Variants in MYO3A observed in about 807,000 individuals in gnomAD.
MYO3A encodes the protein myosin IIIA, also known as myosin-IIIa.
In MYO3A, 180 loss-of-function variants were observed where a neutral mutation model predicts 192.7. The ratio of observed to expected loss-of-function variants is 0.93; its 90% confidence interval spans 0.83 to 1.06. The LOEUF is 1.06. Ranked by LOEUF, MYO3A falls within the 50% of genes least tolerant of loss-of-function variation. The probability of loss-of-function intolerance (pLI) is 0.00; values close to 1 mark genes in which losing one functional copy is unlikely to be tolerated. For missense variants in MYO3A, 1,896 were observed against 1,905.0 expected, an observed-to-expected ratio of 1.00 and a Z score of 0.09; for synonymous variants, 628 against 645.3, an observed-to-expected ratio of 0.97 and a Z score of 0.41.
intron 26 of MYO3A, among the ~76,000 whole-genome samples, chr10:26,163,400 G>T (rs1261382112): frequency 2.6e-5 from 4 of 152,182 alleles, no homozygotes; most frequent in Non-Finnish European, 2.9e-5. Context: ...GTGGACGGTG[G>T]CTGGGGCAGG....
chr10:25,982,567 C>T (rs1261731936), intron 4 of MYO3A, among the ~76,000 whole-genome samples: 2 of 152,226 alleles, frequency 1.3e-5, no homozygotes, highest in Non-Finnish European at 1.5e-5. Context: ...GCTACCTCCA[C>T]CAGTGCAGGT....
At chr10:26,050,283 G>GA (rs1323895639) in intron 10 of MYO3A, among the ~76,000 whole-genome samples, 2 of 152,152 alleles carry the variant, frequency 1.3e-5, no homozygotes, top group African/African-American at 2.4e-5. Flanking sequence ...TTTATACTTG[G>GA]AAAAAATCAA....
intron 5 of MYO3A, 26 bp downstream of exon 5, chr10:25,996,620 A>G: frequency 6.4e-7 from 1 of 1,562,338 alleles, no homozygotes. Flanking sequence ...TTGTATGTGC[A>G]TTAATTATGA....
At chr10:26,028,706 G>A (rs1842670115) in intron 10 of MYO3A, among the ~76,000 whole-genome samples, 1 of 152,126 alleles carries the variant, frequency 6.6e-6, no homozygotes, top group South Asian at 2.1e-4. Context: ...ATGAATGCTG[G>A]TAGAAGACAC....
At position 26,128,530 on chromosome 10, in the gene MYO3A, T is replaced by A. The variant is rs757464961; in HGVS notation, c.2254T>A (p.Trp752Arg). Residue 752 changes from tryptophan to arginine, a missense_variant, in exon 20 of 35, where the codon TGG becomes AGG. Physicochemically the swap from Trp to Arg is moderately radical, Grantham distance 101 (BLOSUM62 -3). Coordinates refer to ENST00000642920, the MANE Select transcript of MYO3A (RefSeq NM_017433.5). ...TTATTATAATCAACATGTGTTTGCATGGGAACAGGTAAGTCTAAGTACTTA... is the reference window on the plus strand; with the variant it reads ...TTATTATAATCAACATGTGTTTGCAAGGGAACAGGTAAGTCTAAGTACTTA... ...QYYYNQHVFA[W>R]EQNEYLNEDV... 2 of 1,610,064 alleles carry A rather than the reference T, an allele frequency of 1.2e-6. No individual in the cohort carries two copies. Among genetic ancestry groups the A allele is most frequent in the Non-Finnish European group, 1.7e-6 (2 of 1,177,510 alleles).
chr10:25,975,873 T>C (rs745568176), intron 4 of MYO3A, among the ~76,000 whole-genome samples: 8 of 152,184 alleles, frequency 5.3e-5, no homozygotes, highest in Non-Finnish European at 1.2e-4. Flanking sequence ...TCAATACCCA[T>C]ATGTGATAAA....
At chr10:26,001,872 A>G (rs186301442) in intron 6 of MYO3A, among the ~76,000 whole-genome samples, 1 of 152,254 alleles carries the variant, frequency 6.6e-6, no homozygotes, top group East Asian at 1.9e-4. Context: ...CTGTAACCCC[A>G]GCTATTCAGG....
chr10:25,970,601 C>T (rs1158346929), intron 4 of MYO3A, among the ~76,000 whole-genome samples: 2 of 151,674 alleles, frequency 1.3e-5, no homozygotes, highest in Non-Finnish European at 3.0e-5. Flanking sequence ...TAGTAGAAAT[C>T]ACTTTAGTAA....
At chr10:26,072,888 A>G (rs974407283) in intron 14 of MYO3A, among the ~76,000 whole-genome samples, 16 of 152,220 alleles carry the variant, frequency 1.1e-4, no homozygotes, top group African/African-American at 3.6e-4. Flanking sequence ...ATGAAAACCT[A>G]TACAGAAACC....
chr10:26,059,280 A>C (rs914343006), intron 10 of MYO3A, among the ~76,000 whole-genome samples: 1 of 152,192 alleles, frequency 6.6e-6, no homozygotes, highest in South Asian at 2.1e-4. Context: ...TTAGCAGGAA[A>C]GCTTCTAATT....
At chr10:26,109,407 G>T (rs773853404) in intron 17 of MYO3A, among the ~76,000 whole-genome samples, 4 of 152,208 alleles carry the variant, frequency 2.6e-5, no homozygotes, top group African/African-American at 7.2e-5. Context: ...GCTGTGCTGA[G>T]TAGCATGATG....
intron 6 of MYO3A, among the ~76,000 whole-genome samples, chr10:26,003,743 T>A (rs181665799): frequency 1.6e-4 from 25 of 152,326 alleles, no homozygotes; most frequent in African/African-American, 6.0e-4. Flanking sequence ...TTAGTTCTTA[T>A]TTCTGCGGAT....
intron 11 of MYO3A, among the ~76,000 whole-genome samples, chr10:26,067,900 G>A (rs1834951531): frequency 6.6e-6 from 1 of 152,122 alleles, no homozygotes; most frequent in Non-Finnish European, 1.5e-5. Flanking sequence ...CAATCAAGAG[G>A]TAAGTTCTGA....
At chr10:25,986,045 G>A (rs1839631924) in intron 4 of MYO3A, among the ~76,000 whole-genome samples, 1 of 152,130 alleles carries the variant, frequency 6.6e-6, no homozygotes, top group African/African-American at 2.4e-5. Flanking sequence ...TCCAGGGATA[G>A]ATTAACATAT....
intron 32 of MYO3A, among the ~76,000 whole-genome samples, chr10:26,196,328 G>A (rs16916404): frequency 0.053 from 8,056 of 152,294 alleles, 667 homozygotes; most frequent in African/African-American, 0.18. Context: ...CTGAACTGAA[G>A]TGAAATGTTA....
In MYO3A at chr10:26,168,858, T is replaced by C; in HGVS notation, c.3258T>C (p.Ala1086=). 3 of 1,610,668 alleles carry C rather than the reference T, an allele frequency of 1.9e-6. No individual in the cohort carries two copies. The highest frequency in any genetic ancestry group is 2.2e-5 in the South Asian group (2 of 91,022). Reference sequence around the variant, plus strand: ...TACAGGAGAAAAGGAAAGAAAGCGCTATAATAATACAGTCAGGTAATCTCT... The same window carrying C: ...TACAGGAGAAAAGGAAAGAAAGCGCCATAATAATACAGTCAGGTAATCTCT... The part of the protein sequence containing the change: ...QKIQEKRKES[A]IIIQSAARGH... The change falls in exon 28 of 35, where the codon GCT becomes GCC. Residue 1086 remains alanine, a synonymous_variant. Coordinates refer to ENST00000642920, the MANE Select transcript of MYO3A (RefSeq NM_017433.5).
intron 4 of MYO3A, among the ~76,000 whole-genome samples, chr10:25,966,230 C>T (rs1346690369): frequency 6.6e-6 from 1 of 152,126 alleles, no homozygotes; most frequent in Non-Finnish European, 1.5e-5. Context: ...AAGATGACCT[C>T]TGTCATTTTA....
chr10:26,016,697 AG>A (rs1842001394), intron 6 of MYO3A, 122 bp from the exon 7 acceptor site: 3 of 871,168 alleles, frequency 3.4e-6, no homozygotes, highest in African/African-American at 3.3e-5. Context: ...ATGTGACACT[AG>A]GTCCACTGGC....
At chr10:25,956,794 TA>T (rs1588656284) in intron 4 of MYO3A, among the ~76,000 whole-genome samples, 2 of 152,258 alleles carry the variant, frequency 1.3e-5, no homozygotes, top group East Asian at 3.9e-4. Context: ...GTTATATAGG[TA>T]AACTTGTGTC....
Sources: allele counts gnomAD v4.1 joint callset (sites outside exome capture counted in the v4.1 genomes callset), GRCh38; gene constraint gnomAD v4.1.1; transcripts MANE v1.5; gene names NCBI Gene and HGNC (gene_info 2026-07-23, HGNC 2026-07-21).